MAN2C1: variants seen among roughly 807,000 people sequenced by gnomAD.
MAN2C1 encodes mannosidase alpha class 2C member 1.
In MAN2C1, 111 loss-of-function variants were observed where a neutral mutation model predicts 126.9. That is an observed-to-expected ratio of 0.87 (90% confidence interval 0.75 to 1.02). MAN2C1 has a LOEUF of 1.02. MAN2C1 is among the 50% of genes least tolerant of loss of function. MAN2C1 has a pLI of 0.00. For missense variants in MAN2C1, 1,363 were observed against 1,364.4 expected (o/e 1.00, Z 0.02); for synonymous variants, 567 against 561.5 (o/e 1.01, Z -0.14).
rs200659096 is a variant in MAN2C1 at position 75,367,647 on chromosome 15, T to G, written c.228-13A>C. On this transcript the variant is annotated splice_polypyrimidine_tract_variant and intron_variant, in intron 2 of 25. Coordinates refer to ENST00000267978, the MANE Select transcript of MAN2C1 (RefSeq NM_006715.4). ...GCAGGTCCACCATCTGCAAGAGAGCTGTTGTGATAGGCCTAGAGGTAGAAG... is the reference window on the plus strand; with the variant it reads ...GCAGGTCCACCATCTGCAAGAGAGCGGTTGTGATAGGCCTAGAGGTAGAAG... 3 of 1,614,088 alleles carry G rather than the reference T, an allele frequency of 1.9e-6. No individual in the cohort carries two copies. The highest frequency in any genetic ancestry group is 4.5e-5 in the East Asian group (2 of 44,890).
chr15:75,360,401 T>G, intron 13 of MAN2C1, 164 bp downstream of exon 13: 1 of 1,285,454 alleles, frequency 7.8e-7, no homozygotes, highest in Non-Finnish European at 1.1e-6. Context: ...TTCAGGGGTT[T>G]CTGCCTCCTT....
Position 75,356,043 on chromosome 15 carries a change from G to A in MAN2C1, c.2997-11C>T. ...TCCAAGAGATCGCAGCTGGAGAACA[G>A]GAGGGGCCATGAAGGCTCTGCGAGG... On this transcript the variant is annotated splice_polypyrimidine_tract_variant and intron_variant, in intron 25 of 25. Transcript: ENST00000267978. The surrounding 1 kb of genome is among the most constrained non-coding windows in gnomAD (Gnocchi z 5.8). 3.1e-6 allele frequency: 5 copies of A among 1,613,962 alleles called. No homozygotes were observed. The highest frequency in any genetic ancestry group is 4.2e-6 in the Non-Finnish European group (5 of 1,179,908).
intron 1 of MAN2C1, 43 bp downstream of exon 1, chr15:75,368,440 G>A: frequency 1.3e-6 from 2 of 1,521,890 alleles, no homozygotes; most frequent in South Asian, 1.2e-5. Context: ...AGCTTGAGGC[G>A]CACGGTTGCG....
At position 75,366,606 on chromosome 15, in the gene MAN2C1, G is replaced by A; in HGVS notation, c.352-14C>T. On this transcript the variant is annotated splice_polypyrimidine_tract_variant and intron_variant, in intron 3 of 25. Coordinates refer to ENST00000267978, the MANE Select transcript of MAN2C1 (RefSeq NM_006715.4). ...TTTGGTTAAACCCTAGTAGGGAGGG[G>A]AGTGAGAGAGACAAGGCTTGAGGCT... 1 of 1,597,502 alleles carries A rather than the reference G, an allele frequency of 6.3e-7. No individual in the cohort carries two copies. The highest frequency in any genetic ancestry group is 8.6e-7 in the Non-Finnish European group (1 of 1,168,436).
At chr15:75,364,784 T>A in intron 4 of MAN2C1, 119 bp from the exon 5 acceptor site, 1 of 806,040 alleles carries the variant, frequency 1.2e-6, no homozygotes, top group Non-Finnish European at 1.9e-6. Context: ...CAGGATCCAC[T>A]ACCCAGAGGA....
At position 75,355,943 on chromosome 15, in the gene MAN2C1, A is replaced by G. The variant is rs755102911; in HGVS notation, c.3086T>C (p.Leu1029Pro). The G allele has an allele frequency of 3.1e-6, 5 of 1,614,106 alleles. No individual in the cohort carries two copies. The highest frequency in any genetic ancestry group is 4.2e-6 in the Non-Finnish European group (5 of 1,180,042). The part of the protein sequence containing the change: ...LKLTFSPFQV[L>P]SLLLVLQPPP... Reference sequence around the variant, plus strand: ...AGGCTGAAGCACGAGCAACAGGGACAGCACTTGGAAGGGAGAAAAGGTGAG... The same window carrying G: ...AGGCTGAAGCACGAGCAACAGGGACGGCACTTGGAAGGGAGAAAAGGTGAG... Residue 1029 changes from leucine to proline, a missense_variant, in exon 26 of 26, where the codon CTG becomes CCG. Coordinates refer to ENST00000267978, the MANE Select transcript of MAN2C1 (RefSeq NM_006715.4).
At chr15:75,360,847 C>G in intron 12 of MAN2C1, 159 bp from the exon 13 acceptor site, 1 of 1,181,254 alleles carries the variant, frequency 8.5e-7, no homozygotes, top group Non-Finnish European at 1.2e-6. Context: ...GAGAGCCTCT[C>G]TCTCTGATGG....
intron 2 of MAN2C1, chr15:75,367,856 G>A: frequency 1.2e-6 from 1 of 859,400 alleles, no homozygotes; most frequent in Non-Finnish European, 1.7e-6. Context: ...CTTCCTAAGG[G>A]ATGTCCAGAG....
At chr15:75,368,319 C>A (rs1004998957) in intron 1 of MAN2C1, 121 bp from the exon 2 acceptor site, 4 of 1,471,410 alleles carry the variant, frequency 2.7e-6, no homozygotes, top group Non-Finnish European at 3.6e-6. Context: ...CTGGCCGCTC[C>A]GCGGCACAGT....
chr15:75,367,931 A>C, intron 2 of MAN2C1, 142 bp downstream of exon 2: 1 of 1,144,212 alleles, frequency 8.7e-7, no homozygotes, highest in South Asian at 1.6e-5. Flanking sequence ...TTCCCAGCAG[A>C]GGGTGCTGCT....
In MAN2C1 at chr15:75,356,271, AC is replaced by A. The variant is rs769896284; in HGVS notation, c.2886+29del. On this transcript the variant is annotated intron_variant, in intron 24 of 25. Coordinates refer to ENST00000267978, the MANE Select transcript of MAN2C1 (RefSeq NM_006715.4). The surrounding 1 kb of genome is among the most constrained non-coding windows in gnomAD (Gnocchi z 5.8). ...GGGCCGAGGGCAGGCCCAGTTCGGA[AC>A]CCCGTCCCCAGCACGTCCCACCCCT... 4 of 1,611,626 alleles carry A rather than the reference AC, an allele frequency of 2.5e-6. No individual in the cohort carries two copies. The highest frequency in any genetic ancestry group is 3.4e-6 in the Non-Finnish European group (4 of 1,179,174).
rs1289677361 is a variant in MAN2C1, at chr15:75,361,132, G to C, written c.1374C>G (p.Leu458=). The part of the protein sequence containing the change: ...DKGRANHSAF[L]FGFGDGGGGP... ...CACCACCCCCATCCCCAAAGCCAAA[G>C]AGGAAGGCACTGTGGTTGGCCCGCC... Residue 458 remains leucine, a synonymous_variant, in exon 12 of 26, where the codon CTC becomes CTG. Coordinates refer to ENST00000267978, the MANE Select transcript of MAN2C1 (RefSeq NM_006715.4). The surrounding 1 kb of genome is among the most constrained non-coding windows in gnomAD (Gnocchi z 5.0). 6.2e-7 allele frequency: 1 copy of C among 1,613,492 alleles called. No homozygotes were observed. The highest frequency in any genetic ancestry group is 1.7e-5 in the Admixed American group (1 of 59,944).
chr15:75,359,349 C>G lies in MAN2C1; in HGVS notation c.2025G>C (p.Gln675His). 6.3e-7 allele frequency: 1 copy of G among 1,598,728 alleles called. No individual in the cohort carries two copies. The highest frequency in any genetic ancestry group is 1.1e-5 in the South Asian group (1 of 88,674). Residue 675 changes from glutamine to histidine, a missense_variant, in exon 17 of 26, where the codon CAG becomes CAC. Transcript: ENST00000267978. ...TCACCTCTTGCACTACGAACACAGG[C>G]TGCTGGGGCAGCAGGGGCTGCAGTG... The part of the protein sequence containing the change: ...PTSLQPLLPQ[Q>H]PVFVVQETDG...
At chr15:75,368,399 G>A (rs1169527463) in intron 1 of MAN2C1, 84 bp downstream of exon 1, 1 of 1,451,662 alleles carries the variant, frequency 6.9e-7, no homozygotes, top group Non-Finnish European at 9.3e-7. Flanking sequence ...CGGCCCGGGT[G>A]GCTGCAGCTT....
At position 75,361,100 on chromosome 15, in the gene MAN2C1, G is replaced by A. The variant is rs2072458874; in HGVS notation, c.1406C>T (p.Thr469Ile). ...FGFGDGGGGP[T>I]QTMLDRLKRL... ...CTTCAGGCGGTCCAGCATGGTCTGG[G>A]TGGGGCCACCACCCCCATCCCCAAA... Residue 469 changes from threonine (T) to isoleucine (I), a missense_variant, in exon 12 of 26, where the codon ACC (threonine) becomes ATC (isoleucine). Physicochemically the swap from Thr to Ile is moderately conservative, Grantham distance 89. This residue lies in a region of MAN2C1 where 67 missense variants were observed against 104.5 expected (regional missense o/e 0.64). Coordinates refer to ENST00000267978, the MANE Select transcript of MAN2C1 (RefSeq NM_006715.4). This position sits in a 1 kb window ranked among gnomAD's most constrained non-coding sequence, Gnocchi z 5.0. 1 of 1,612,676 alleles carries A rather than the reference G, an allele frequency of 6.2e-7. No homozygotes were observed. The highest frequency in any genetic ancestry group is 1.7e-5 in the Admixed American group (1 of 59,818).
intron 1 of MAN2C1, 34 bp downstream of exon 1, chr15:75,368,449 C>T: frequency 3.3e-6 from 5 of 1,532,764 alleles, no homozygotes; most frequent in Non-Finnish European, 3.5e-6. Context: ...CGCACGGTTG[C>T]GGTCGGCCGG....
chr15:75,361,241 C>T lies in MAN2C1; in HGVS notation c.1314+45G>A. 6.3e-7 allele frequency: 1 copy of T among 1,589,894 alleles called. No homozygotes were observed. The highest frequency in any genetic ancestry group is 8.6e-7 in the Non-Finnish European group (1 of 1,168,740). On this transcript the variant is annotated intron_variant, in intron 11 of 25. Coordinates refer to ENST00000267978, the MANE Select transcript of MAN2C1 (RefSeq NM_006715.4). The surrounding 1 kb of genome is among the most constrained non-coding windows in gnomAD (Gnocchi z 5.0). ...ATGGATCAGCCTGGAACAAGCCAGC[C>T]CTCTCCAGCCTGCCCCTACCCCACC...
intron 5 of MAN2C1, 45 bp from the exon 6 acceptor site, chr15:75,364,233 T>A: frequency 6.4e-7 from 1 of 1,559,158 alleles, no homozygotes; most frequent in Non-Finnish European, 8.6e-7. Flanking sequence ...AAGCACAGCT[T>A]CCAGACCTAG....
intron 13 of MAN2C1, 67 bp from the exon 14 acceptor site, chr15:75,360,278 T>G: frequency 6.3e-7 from 1 of 1,582,228 alleles, no homozygotes; most frequent in Non-Finnish European, 8.6e-7. Flanking sequence ...TCCAAAGCCC[T>G]CCCTTGCTCA....
Sources: gnomAD v4.1 joint callset for allele counts on GRCh38, gnomAD v4.1.1 for gene constraint, gnomAD v4.1.1 regional missense constraint, Gnocchi (gnomAD v3.1) non-coding constraint, MANE v1.5 for transcripts, NCBI Gene and HGNC (gene_info 2026-07-23, HGNC 2026-07-21) for gene names.